Variants in SYNE1 observed in about 807,000 individuals in gnomAD.
The protein encoded by SYNE1 is nesprin-1.
SYNE1 carries 616 observed loss-of-function variants against 1,111.0 expected under a neutral mutation model. That is an observed-to-expected ratio of 0.55 (90% confidence interval 0.52 to 0.59). The LOEUF is 0.59. SYNE1 is among the 20% of genes least tolerant of loss of function. The probability of loss-of-function intolerance (pLI) is 0.00; values close to 1 mark genes in which losing one functional copy is unlikely to be tolerated. For missense variants in SYNE1, 10,006 were observed against 10,417.0 expected (o/e 0.96, Z 1.72); for synonymous variants, 3,855 against 3,825.8 (o/e 1.01, Z -0.28).
chr6:152,482,360 T>C (rs2098910307), intron 14 of SYNE1, among the ~76,000 whole-genome samples: 1 of 152,204 alleles, frequency 6.6e-6, no homozygotes, highest in African/African-American at 2.4e-5. Flanking sequence ...GCAGAAAATA[T>C]ACATGGGCTA....
intron 101 of SYNE1, among the ~76,000 whole-genome samples, chr6:152,257,320 G>T (rs1343491986): frequency 6.6e-6 from 1 of 152,116 alleles, no homozygotes; most frequent in Non-Finnish European, 1.5e-5. Flanking sequence ...ATCATTTGAG[G>T]CCAGGAGTTC....
intron 105 of SYNE1, among the ~76,000 whole-genome samples, chr6:152,247,750 TACACACAC>T (rs61420132): frequency 0.017 from 1,877 of 112,340 alleles, 43 homozygotes; most frequent in African/African-American, 0.064. Context: ...TATATATATA[TACACACAC>T]ACACACACAC....
At position 152,180,349 on chromosome 6, in the gene SYNE1, AC is replaced by A. The variant is rs2067644813; in HGVS notation, c.23302-56del. On this transcript the variant is annotated intron_variant, in intron 128 of 145. Coordinates refer to ENST00000367255, the MANE Select transcript of SYNE1 (RefSeq NM_182961.4). ...AAATGATTATCAGAGAGAAGACCAC[AC>A]TCCAAGGAAAATAGCAAATAAACTA... 1.9e-6 allele frequency: 3 copies of A among 1,546,196 alleles called. No homozygotes were observed. In the African/African-American group the frequency reaches 4.1e-5, roughly 21 times the overall value.
rs1036865252 is a variant in SYNE1 at position 152,428,022 on chromosome 6, C to T, written c.4976+183G>A. Among the ~76,000 whole-genome samples, 37 of 152,104 alleles carry T rather than the reference C, an allele frequency of 2.4e-4. 1 individual carries two copies. Among genetic ancestry groups the T allele is most frequent in the African/African-American group, 8.0e-4 (33 of 41,482 alleles). On this transcript the variant is annotated intron_variant, in intron 37 of 145. Coordinates refer to ENST00000367255, the MANE Select transcript of SYNE1 (RefSeq NM_182961.4). ...TTTATATTGGATAATATGTAAAGAC[C>T]CATATATATCCTCTCCACTCTCAGG...
intron 58 of SYNE1, among the ~76,000 whole-genome samples, chr6:152,374,749 G>C (rs2097251207): frequency 6.6e-6 from 1 of 151,186 alleles, no homozygotes; most frequent in Non-Finnish European, 1.5e-5. Flanking sequence ...ACTCCAGCCT[G>C]GGTGACAGAG....
At position 152,155,245 on chromosome 6, in the gene SYNE1, T is replaced by C. The variant is rs905579861; in HGVS notation, c.23979-203A>G. ...AAATAAAACGGCTGTTTTATTTTTTTAAAAACACGTCCTGCAACTCTGGAT... is the reference window on the plus strand; with the variant it reads ...AAATAAAACGGCTGTTTTATTTTTTCAAAAACACGTCCTGCAACTCTGGAT... On this transcript the variant is annotated intron_variant, in intron 132 of 145. Transcript: ENST00000367255. 3 of 572,166 alleles carry C rather than the reference T, an allele frequency of 5.2e-6. No individual in the cohort carries two copies. In the East Asian group the frequency reaches 9.0e-5, roughly 17 times the overall value. 35.4% of individuals were successfully genotyped at this position (572,166 alleles called of 1,614,324 possible). A position where few individuals can be genotyped will look rare whatever the true frequency, so the allele number is the denominator to read the frequency against.
chr6:152,584,112 T>G (rs1043009877), intron 3 of SYNE1, among the ~76,000 whole-genome samples: 53 of 152,318 alleles, frequency 3.5e-4, no homozygotes, highest in African/African-American at 1.2e-3. Flanking sequence ...TTATGACACT[T>G]GTGCCTCGAT....
chr6:152,332,473 T>C (rs190014085), intron 77 of SYNE1, among the ~76,000 whole-genome samples: 12 of 152,386 alleles, frequency 7.9e-5, no homozygotes, highest in African/African-American at 2.9e-4. Context: ...TATGCTTTTA[T>C]CTTCCTCTGG....
Position 152,336,973 on chromosome 6 carries a change from C to A in SYNE1, c.12396G>T (p.Trp4132Cys). The A allele has an allele frequency of 6.2e-7, 1 of 1,614,002 alleles. No homozygotes were observed. Among genetic ancestry groups the A allele is most frequent in the Non-Finnish European group, 8.5e-7 (1 of 1,179,976 alleles). ...LVQAQNLTQG[W>C]EEIKHLKSEL... ...CAGACTTCAGGTGCTTGATCTCTTC[C>A]CAGCCCTGAGTTAAGTTCTGGGCCT... The change falls in exon 76 of 146, where the codon TGG becomes TGT. Residue 4132 changes from tryptophan (W) to cysteine (C), a missense_variant. Physicochemically the swap from Trp to Cys is radical, Grantham distance 215. This residue lies in a region of SYNE1 where 4,955 missense variants were observed against 5,017.2 expected (regional missense o/e 0.99). Coordinates refer to ENST00000367255, the MANE Select transcript of SYNE1 (RefSeq NM_182961.4).
At chr6:152,124,118 G>A (rs1231659658) in intron 145 of SYNE1, among the ~76,000 whole-genome samples, 1 of 152,192 alleles carries the variant, frequency 6.6e-6, no homozygotes. Context: ...GAGGCCAGGA[G>A]TTCAAGCCAG....
rs139179731 is a variant in SYNE1 at position 152,303,165 on chromosome 6, T to C, written c.17347-1102A>G. Among the ~76,000 whole-genome samples the C allele has an allele frequency of 5.7e-3, 851 of 148,276 alleles. 7 individuals are homozygous for C. Among genetic ancestry groups the C allele is most frequent in the African/African-American group, 0.02 (809 of 40,776 alleles). The stretch of plus-strand genomic sequence containing the variant: ...TCATTTATTGTGCACATAGAACACA[T>C]TTTGTGGGCCGGGTGCAGTGGCTCA... On this transcript the variant is annotated intron_variant, in intron 91 of 145. Transcript: ENST00000367255.
At chr6:152,138,036 C>A (rs2057464735) in intron 140 of SYNE1, among the ~76,000 whole-genome samples, 1 of 152,106 alleles carries the variant, frequency 6.6e-6, no homozygotes. Flanking sequence ...CATGGCCTTA[C>A]TAGAGTAATT....
chr6:152,466,523 GCTTCC>G, intron 16 of SYNE1, among the ~76,000 whole-genome samples: 1 of 152,152 alleles, frequency 6.6e-6, no homozygotes, highest in Non-Finnish European at 1.5e-5. Context: ...GTGCACAAAT[GCTTCC>G]CTTAAAATAA....
At chr6:152,230,812 T>C in intron 114 of SYNE1, 110 bp from the exon 115 acceptor site, 4 of 1,263,416 alleles carry the variant, frequency 3.2e-6, no homozygotes, top group Non-Finnish European at 4.4e-6. Flanking sequence ...ATTCTTAAAA[T>C]ACAGTTCATC....
intron 137 of SYNE1, chr6:152,144,187 C>A (rs1261782866): frequency 7.1e-6 from 2 of 283,562 alleles, no homozygotes; most frequent in Non-Finnish European, 1.4e-5. Context: ...AGGGGAAGAT[C>A]CTCCCTCTGA....
At chr6:152,510,978 G>A in intron 7 of SYNE1, 33 bp downstream of exon 7, 1 of 1,574,058 alleles carries the variant, frequency 6.4e-7, no homozygotes, top group Non-Finnish European at 8.7e-7. Flanking sequence ...CTGAGACATT[G>A]CATCAACTGA....
intron 91 of SYNE1, among the ~76,000 whole-genome samples, chr6:152,303,098 C>CTTTTTTTTTTTTTTT (rs71017533): frequency 2.8e-5 from 3 of 107,088 alleles, no homozygotes; most frequent in Non-Finnish European, 5.4e-5. Context: ...AACTATTATT[C>CTTTTTTTTTTTTTTT]TTTTTTTTTT....
intron 128 of SYNE1, among the ~76,000 whole-genome samples, chr6:152,181,036 T>C (rs1340895151): frequency 6.6e-6 from 1 of 151,538 alleles, no homozygotes; most frequent in Non-Finnish European, 1.5e-5. Flanking sequence ...ATTCACAGCA[T>C]TTGTGAATCA....
At chr6:152,344,323 G>C (rs574916437) in intron 73 of SYNE1, 96 bp from the exon 74 acceptor site, 1 of 1,524,872 alleles carries the variant, frequency 6.6e-7, no homozygotes, top group Admixed American at 1.9e-5. Flanking sequence ...ACATCTAAAT[G>C]GATTTTCCCC....
Sources: allele counts gnomAD v4.1 joint callset (sites outside exome capture counted in the v4.1 genomes callset), GRCh38; gene constraint gnomAD v4.1.1; regional missense constraint gnomAD v4.1.1; transcripts MANE v1.5; gene names NCBI Gene and HGNC (gene_info 2026-07-23, HGNC 2026-07-21).